Variants in EVI5 observed in about 807,000 individuals in gnomAD.
EVI5 encodes ecotropic viral integration site 5.
A neutral mutation model predicts 112.0 loss-of-function variants in EVI5; 73 were observed. That is an observed-to-expected ratio of 0.65 (90% CI 0.54 to 0.79). EVI5 has a LOEUF of 0.79. Among genes scored for constraint, EVI5 ranks in the 30% least tolerant of loss-of-function variants. The pLI is 0.00. For missense variants in EVI5, 900 were observed against 968.8 expected (o/e 0.93, Z 0.94); for synonymous variants, 305 against 319.9 (o/e 0.95, Z 0.50).
Position 92,549,264 on chromosome 1 carries a change from A to C in EVI5, c.2166+14378T>G, listed in dbSNP as rs575233579. Among the ~76,000 whole-genome samples, 418 of 152,340 alleles carry C rather than the reference A, an allele frequency of 2.7e-3. 1 individual carries two copies. The highest frequency in any genetic ancestry group is 9.0e-3 in the African/African-American group (374 of 41,578). On this transcript the variant is annotated intron_variant, in intron 19 of 19. Transcript: ENST00000684568. ...AAATGGGGAAAGGATTCCCTATTTA[A>C]TAAATGGTGCTGGGAAAACTGGCTA... is the stretch of plus-strand genomic sequence containing the variant.
intron 19 of EVI5, among the ~76,000 whole-genome samples, chr1:92,531,749 G>A (rs1662899342): frequency 6.6e-6 from 1 of 152,282 alleles, no homozygotes; most frequent in East Asian, 1.9e-4. Flanking sequence ...GAGACATTTT[G>A]TCACCACCAG....
At chr1:92,773,256 G>A (rs527289296) in intron 1 of EVI5, among the ~76,000 whole-genome samples, 2 of 151,492 alleles carry the variant, frequency 1.3e-5, no homozygotes, top group South Asian at 2.1e-4. Context: ...TAGGAGATAG[G>A]ACAAATAAAC....
At chr1:92,710,841 A>C (rs1672740683) in intron 2 of EVI5, among the ~76,000 whole-genome samples, 1 of 152,164 alleles carries the variant, frequency 6.6e-6, no homozygotes, top group Non-Finnish European at 1.5e-5. Context: ...AGTTTGGTAG[A>C]CTTTGTAGGG....
chr1:92,651,511 T>C (rs1388281650), intron 13 of EVI5, among the ~76,000 whole-genome samples: 2 of 152,200 alleles, frequency 1.3e-5, no homozygotes, highest in Non-Finnish European at 2.9e-5. Flanking sequence ...GGATAGCTAT[T>C]ACTTAACAAA....
chr1:92,678,653 A>G (rs777618586), intron 9 of EVI5, among the ~76,000 whole-genome samples: 4 of 152,168 alleles, frequency 2.6e-5, no homozygotes, highest in Non-Finnish European at 4.4e-5. Context: ...GTCTAAATTT[A>G]CCTTTATAAA....
intron 10 of EVI5, among the ~76,000 whole-genome samples, chr1:92,666,981 A>G (rs1665024122): frequency 6.6e-6 from 1 of 152,200 alleles, no homozygotes; most frequent in Non-Finnish European, 1.5e-5. Context: ...ATGCACGTTC[A>G]TAGGCTAAAC....
At chr1:92,602,301 T>C (rs563070502) in intron 18 of EVI5, among the ~76,000 whole-genome samples, 1 of 152,328 alleles carries the variant, frequency 6.6e-6, no homozygotes, top group East Asian at 1.9e-4. Flanking sequence ...CATAAGATTT[T>C]AAACATAGTA....
chr1:92,643,291 C>CTTT (rs34807551), intron 13 of EVI5, among the ~76,000 whole-genome samples: 1 of 123,066 alleles, frequency 8.1e-6, no homozygotes. Context: ...TAACTCAAAT[C>CTTT]TTTTTTTTTT....
chr1:92,535,508 C>G (rs1055181704), intron 19 of EVI5, among the ~76,000 whole-genome samples: 1 of 152,112 alleles, frequency 6.6e-6, no homozygotes, highest in Admixed American at 6.5e-5. Context: ...GGAACCAACC[C>G]AAATGCCCAT....
chr1:92,634,360 T>G (rs1459215791), intron 14 of EVI5, among the ~76,000 whole-genome samples: 2 of 152,240 alleles, frequency 1.3e-5, no homozygotes, highest in African/African-American at 4.8e-5. Flanking sequence ...CCATATTTCT[T>G]GGAGACTTTT....
chr1:92,571,127 A>G (rs1245769350), intron 18 of EVI5, among the ~76,000 whole-genome samples: 1 of 151,062 alleles, frequency 6.6e-6, no homozygotes, highest in Non-Finnish European at 1.5e-5. Context: ...TTTACAAACA[A>G]AAAGTTGGAC....
intron 1 of EVI5, among the ~76,000 whole-genome samples, chr1:92,757,666 C>T (rs1478386586): frequency 6.6e-6 from 1 of 151,540 alleles, no homozygotes; most frequent in Non-Finnish European, 1.5e-5. Flanking sequence ...CTTTGGGAGG[C>T]CAAAGTGGGT....
intron 19 of EVI5, among the ~76,000 whole-genome samples, chr1:92,552,812 A>G (rs970640417): frequency 1.3e-5 from 2 of 151,634 alleles, no homozygotes; most frequent in Non-Finnish European, 2.9e-5. Flanking sequence ...TTAAGTTCGA[A>G]TATTTTTCCT....
chr1:92,729,398 C>G (rs547371281), intron 2 of EVI5, among the ~76,000 whole-genome samples: 10 of 152,158 alleles, frequency 6.6e-5, no homozygotes, highest in Middle Eastern at 3.2e-3. Context: ...TACTATATAG[C>G]ACTAAATGAC....
chr1:92,559,116 A>G (rs1408576220), intron 19 of EVI5, among the ~76,000 whole-genome samples: 1 of 152,230 alleles, frequency 6.6e-6, no homozygotes, highest in Non-Finnish European at 1.5e-5. Flanking sequence ...ATCTCTAGAT[A>G]ACTTATAATA....
chr1:92,543,797 GAC>G (rs1665229469), intron 19 of EVI5, among the ~76,000 whole-genome samples: 1 of 152,182 alleles, frequency 6.6e-6, no homozygotes. Flanking sequence ...ACCAAAATAT[GAC>G]ACAGAGACAT....
chr1:92,656,530 AAGACCATAGC>A, intron 13 of EVI5, among the ~76,000 whole-genome samples: 1 of 152,102 alleles, frequency 6.6e-6, no homozygotes, highest in South Asian at 2.1e-4. Flanking sequence ...AGAAATAACA[AAGACCATAGC>A]AGAACTAAAT....
At chr1:92,771,091 C>T (rs993289422) in intron 1 of EVI5, among the ~76,000 whole-genome samples, 3 of 152,096 alleles carry the variant, frequency 2.0e-5, no homozygotes, top group Admixed American at 6.5e-5. Flanking sequence ...ACTGGGATTA[C>T]AGGAGAGAGC....
At chr1:92,791,063 C>T (rs924648623) in intron 1 of EVI5, among the ~76,000 whole-genome samples, 1 of 152,206 alleles carries the variant, frequency 6.6e-6, no homozygotes, top group African/African-American at 2.4e-5. Context: ...TGATACTACA[C>T]ATTAACACTG....
Sources: allele counts gnomAD v4.1 joint callset (sites outside exome capture counted in the v4.1 genomes callset), GRCh38; gene constraint gnomAD v4.1.1; transcripts MANE v1.5; gene names NCBI Gene and HGNC (gene_info 2026-07-23, HGNC 2026-07-21).